The following PTPRR variants were observed in gnomAD, a reference collection of about 807,000 sequenced individuals.
PTPRR encodes receptor-type tyrosine-protein phosphatase R.
A neutral mutation model predicts 77.2 loss-of-function variants in PTPRR; 38 were observed. The ratio of observed to expected loss-of-function variants is 0.49; its 90% CI spans 0.38 to 0.65. PTPRR has a LOEUF of 0.65. PTPRR is among the 30% of genes least tolerant of loss of function. The probability of loss-of-function intolerance (pLI) is 0.00; values close to 1 mark genes in which losing one functional copy is unlikely to be tolerated. For missense variants in PTPRR, 744 were observed against 799.2 expected, an observed-to-expected ratio of 0.93 and a Z score of 0.83; for synonymous variants, 299 against 283.1, an observed-to-expected ratio of 1.06 and a Z score of -0.57.
chr12:70,666,939 T>G (rs1171868819), intron 10 of PTPRR, among the ~76,000 whole-genome samples: 1 of 46,156 alleles, frequency 2.2e-5, no homozygotes, highest in Non-Finnish European at 3.6e-5. Flanking sequence ...TTTTCTGTTT[T>G]TTTTTTTTTT....
chr12:70,695,182 G>A (rs1397457311), intron 8 of PTPRR, among the ~76,000 whole-genome samples: 1 of 152,070 alleles, frequency 6.6e-6, no homozygotes, highest in Non-Finnish European at 1.5e-5. Flanking sequence ...TTGCTATTAT[G>A]TACAAGCTGT....
At chr12:70,870,741 C>G (rs1435906635) in intron 2 of PTPRR, among the ~76,000 whole-genome samples, 1 of 152,184 alleles carries the variant, frequency 6.6e-6, no homozygotes, top group Non-Finnish European at 1.5e-5. Context: ...AAGAAGAGTT[C>G]AATTGTAGCA....
chr12:70,844,671 T>C (rs1400436822), intron 2 of PTPRR, among the ~76,000 whole-genome samples: 1 of 152,196 alleles, frequency 6.6e-6, no homozygotes. Context: ...ATATATACTA[T>C]ATTTGGACTT....
chr12:70,887,478 A>G, intron 2 of PTPRR, among the ~76,000 whole-genome samples: 1 of 152,084 alleles, frequency 6.6e-6, no homozygotes, highest in Non-Finnish European at 1.5e-5. Flanking sequence ...TAAGGTGAAG[A>G]AAAAAGTAGG....
chr12:70,684,880 T>C, intron 8 of PTPRR, 97 bp from the exon 9 acceptor site: 2 of 759,318 alleles, frequency 2.6e-6, no homozygotes, highest in Non-Finnish European at 4.3e-6. Context: ...CTGTTATGTA[T>C]TGATTATCTG....
intron 6 of PTPRR, among the ~76,000 whole-genome samples, chr12:70,708,771 GTCT>G (rs1003441044): frequency 6.6e-6 from 1 of 150,964 alleles, no homozygotes; most frequent in African/African-American, 2.4e-5. Flanking sequence ...GAAATGAGAA[GTCT>G]TCTTTGAATT....
chr12:70,731,388 C>T (rs911604913), intron 6 of PTPRR, among the ~76,000 whole-genome samples: 5 of 152,172 alleles, frequency 3.3e-5, no homozygotes, highest in African/African-American at 1.2e-4. Context: ...AGTATTGCCT[C>T]ACCTGGAGAA....
intron 6 of PTPRR, among the ~76,000 whole-genome samples, chr12:70,733,482 G>GCCAAAAAAAAAAAA (rs1889756906): frequency 1.1e-5 from 1 of 92,310 alleles, no homozygotes; most frequent in Non-Finnish European, 2.0e-5. Flanking sequence ...AAAAAAAAAA[G>GCCAAAAAAAAAAAA]AAAAAAAAAG....
At chr12:70,763,311 G>A (rs962568781) in intron 3 of PTPRR, among the ~76,000 whole-genome samples, 1 of 151,736 alleles carries the variant, frequency 6.6e-6, no homozygotes. Context: ...TGTATTTTAA[G>A]TAGTAGAGAT....
intron 2 of PTPRR, among the ~76,000 whole-genome samples, chr12:70,813,294 A>G (rs2137032713): frequency 6.6e-6 from 1 of 152,334 alleles, no homozygotes; most frequent in South Asian, 2.1e-4. Flanking sequence ...CCATCTTTGC[A>G]AAGCCTTCTT....
intron 1 of PTPRR, among the ~76,000 whole-genome samples, chr12:70,898,306 G>A (rs1893469830): frequency 6.7e-6 from 1 of 149,794 alleles, no homozygotes; most frequent in Admixed American, 6.7e-5. Context: ...CTAATTCAAA[G>A]TGATACTTCT....
chr12:70,866,488 G>C (rs1383081204), intron 2 of PTPRR, among the ~76,000 whole-genome samples: 1 of 152,138 alleles, frequency 6.6e-6, no homozygotes, highest in Non-Finnish European at 1.5e-5. Context: ...CCAGGAAGAA[G>C]TTGAATCCCT....
chr12:70,769,859 A>G (rs2136980178), intron 2 of PTPRR, among the ~76,000 whole-genome samples: 1 of 152,204 alleles, frequency 6.6e-6, no homozygotes, highest in South Asian at 2.1e-4. Context: ...AACGCCGCAT[A>G]TCTACAACTA....
intron 6 of PTPRR, among the ~76,000 whole-genome samples, chr12:70,718,229 T>G (rs943256254): frequency 2.6e-5 from 4 of 152,132 alleles, no homozygotes; most frequent in African/African-American, 9.7e-5. Context: ...GAAGCTATAC[T>G]TCTAAGAGAG....
At chr12:70,880,170 T>C (rs1163271294) in intron 2 of PTPRR, among the ~76,000 whole-genome samples, 3 of 152,234 alleles carry the variant, frequency 2.0e-5, no homozygotes, top group African/African-American at 7.2e-5. Flanking sequence ...AGGATCTTAG[T>C]ATGTGTCAAG....
At chr12:70,642,266 T>C (rs1886031903) in intron 13 of PTPRR, among the ~76,000 whole-genome samples, 1 of 152,146 alleles carries the variant, frequency 6.6e-6, no homozygotes, top group Non-Finnish European at 1.5e-5. Flanking sequence ...ATTATAGCTT[T>C]CTCCCATCCT....
intron 2 of PTPRR, among the ~76,000 whole-genome samples, chr12:70,878,131 T>C (rs1893084166): frequency 6.6e-6 from 1 of 152,086 alleles, no homozygotes; most frequent in Non-Finnish European, 1.5e-5. Context: ...ATGTTAGACC[T>C]AAAACCATAA....
intron 6 of PTPRR, among the ~76,000 whole-genome samples, chr12:70,702,132 A>G (rs977673115): frequency 6.6e-6 from 1 of 152,186 alleles, no homozygotes; most frequent in Non-Finnish European, 1.5e-5. Context: ...GACCCTTAAA[A>G]TGAGTTACAA....
chr12:70,726,269 C>T (rs1326860665), intron 6 of PTPRR, among the ~76,000 whole-genome samples: 1 of 151,998 alleles, frequency 6.6e-6, no homozygotes, highest in Non-Finnish European at 1.5e-5. Context: ...CAAAATCAGG[C>T]TTAAAATTTG....
Sources: allele counts gnomAD v4.1 joint callset (sites outside exome capture counted in the v4.1 genomes callset), GRCh38; gene constraint gnomAD v4.1.1; transcripts MANE v1.5; gene names NCBI Gene and HGNC (gene_info 2026-07-23, HGNC 2026-07-21).